Variants in ZBTB20 observed in about 807,000 individuals in gnomAD.
The protein encoded by ZBTB20 is zinc finger and BTB domain containing 20.
In ZBTB20, 9 loss-of-function variants were observed where a neutral mutation model predicts 56.9. The observed-to-expected ratio is 0.16, with a 90% CI of 0.10 to 0.28. The LOEUF (loss-of-function observed/expected upper bound fraction) is 0.28. Ranked by LOEUF, ZBTB20 falls within the 10% of genes least tolerant of loss-of-function variation. The pLI, the probability that ZBTB20 is intolerant of heterozygous loss-of-function variation, is 1.00. For synonymous variants in ZBTB20, 417 were observed against 420.7 expected, an observed-to-expected ratio of 0.99 and a Z score of 0.11; for missense variants, 655 against 1,003.0, an observed-to-expected ratio of 0.65 and a Z score of 4.69.
At chr3:114,988,447 T>C (rs954898081) in intron 2 of ZBTB20, among the ~76,000 whole-genome samples, 6 of 152,236 alleles carry the variant, frequency 3.9e-5, no homozygotes, top group African/African-American at 1.2e-4. Flanking sequence ...TTTTTATGGC[T>C]GCATAGTATT....
intron 3 of ZBTB20, among the ~76,000 whole-genome samples, chr3:114,941,631 T>A (rs2076727089): frequency 6.8e-6 from 1 of 146,286 alleles, no homozygotes; most frequent in Non-Finnish European, 1.5e-5. Context: ...AATAATAAAT[T>A]GGTAGTTTTC....
chr3:114,987,737 T>C (rs2078608125), intron 2 of ZBTB20, among the ~76,000 whole-genome samples: 1 of 152,156 alleles, frequency 6.6e-6, no homozygotes, highest in Non-Finnish European at 1.5e-5. Context: ...TTTCTCCCTG[T>C]AGACATGAAT....
intron 6 of ZBTB20, chr3:114,687,433 C>T (rs1312314703): frequency 1.3e-5 from 2 of 151,654 alleles, no homozygotes; most frequent in Non-Finnish European, 2.9e-5. Flanking sequence ...TGACAGGCGC[C>T]ACAGGCAGAA....
chr3:114,362,737 G>A (rs944834965), intron 10 of ZBTB20, among the ~76,000 whole-genome samples: 2 of 152,116 alleles, frequency 1.3e-5, no homozygotes, highest in Non-Finnish European at 2.9e-5. Flanking sequence ...CCTGTCAACA[G>A]AGGATTCAGT....
At chr3:114,908,923 AT>A in intron 3 of ZBTB20, among the ~76,000 whole-genome samples, 1 of 151,910 alleles carries the variant, frequency 6.6e-6, no homozygotes, top group Non-Finnish European at 1.5e-5. Context: ...TTTTAAAAAG[AT>A]TAGGAGATAT....
At chr3:114,575,390 T>A (rs970742942) in intron 6 of ZBTB20, among the ~76,000 whole-genome samples, 5 of 152,156 alleles carry the variant, frequency 3.3e-5, no homozygotes, top group African/African-American at 1.2e-4. Flanking sequence ...ATTTATACTT[T>A]GCTTTTTCCC....
chr3:115,112,918 A>G (rs190076960), intron 1 of ZBTB20, among the ~76,000 whole-genome samples: 3 of 152,290 alleles, frequency 2.0e-5, no homozygotes, highest in Admixed American at 6.5e-5. Context: ...TCAACAGTGT[A>G]TAAGAGTTCC....
intron 2 of ZBTB20, among the ~76,000 whole-genome samples, chr3:115,050,999 G>C (rs749838655): frequency 9.9e-5 from 15 of 151,924 alleles, no homozygotes; most frequent in Non-Finnish European, 1.9e-4. Flanking sequence ...TCAGGTATAA[G>C]CTTCAATTCC....
chr3:114,616,627 A>G (rs2057965478), intron 6 of ZBTB20, among the ~76,000 whole-genome samples: 1 of 152,038 alleles, frequency 6.6e-6, no homozygotes, highest in Admixed American at 6.6e-5. Flanking sequence ...CTTTCAATAT[A>G]TTTTTCCTGA....
intron 2 of ZBTB20, among the ~76,000 whole-genome samples, chr3:115,041,684 T>C (rs1215797137): frequency 6.6e-6 from 1 of 152,188 alleles, no homozygotes; most frequent in African/African-American, 2.4e-5. Context: ...GTTTGGTTGA[T>C]AATATGTTAA....
At chr3:114,725,150 T>C (rs940848680) in intron 5 of ZBTB20, among the ~76,000 whole-genome samples, 6 of 152,220 alleles carry the variant, frequency 3.9e-5, no homozygotes, top group African/African-American at 1.2e-4. Context: ...GAAGAGACCA[T>C]GCTTTCTATT....
At chr3:115,061,433 A>G (rs1029129745) in intron 2 of ZBTB20, among the ~76,000 whole-genome samples, 12 of 152,322 alleles carry the variant, frequency 7.9e-5, no homozygotes, top group African/African-American at 2.9e-4. Flanking sequence ...TTCTTGAATA[A>G]AAGTTACCAA....
intron 2 of ZBTB20, among the ~76,000 whole-genome samples, chr3:115,003,789 T>G (rs2079354006): frequency 6.6e-6 from 1 of 151,682 alleles, no homozygotes; most frequent in African/African-American, 2.4e-5. Context: ...AAATCAAAGA[T>G]AAATATGTAG....
At chr3:114,707,996 C>G (rs774381447) in intron 5 of ZBTB20, among the ~76,000 whole-genome samples, 2 of 152,168 alleles carry the variant, frequency 1.3e-5, no homozygotes, top group Non-Finnish European at 2.9e-5. Flanking sequence ...ATCTCCTCCA[C>G]GTTCAGTTCA....
chr3:114,676,330 T>C (rs1181529528), intron 6 of ZBTB20, among the ~76,000 whole-genome samples: 1 of 152,192 alleles, frequency 6.6e-6, no homozygotes, highest in African/African-American at 2.4e-5. Flanking sequence ...TGTGCCTCAG[T>C]TTCCTTCTGT....
intron 6 of ZBTB20, among the ~76,000 whole-genome samples, chr3:114,656,592 T>C (rs1290739855): frequency 6.6e-6 from 1 of 152,202 alleles, no homozygotes. Context: ...TCAAGTTTAC[T>C]GACACTTTCT....
intron 1 of ZBTB20, among the ~76,000 whole-genome samples, chr3:115,128,298 TATA>T (rs1332405782): frequency 1.3e-5 from 2 of 152,162 alleles, no homozygotes; most frequent in Non-Finnish European, 2.9e-5. Flanking sequence ...ACGTGAAAGA[TATA>T]ATATCAAAGA....
chr3:114,753,391 G>A (rs369306455), intron 5 of ZBTB20, among the ~76,000 whole-genome samples: 2,841 of 16,080 alleles, frequency 0.18, 692 homozygotes, highest in East Asian at 0.35. Context: ...ACACATACAT[G>A]TATGTATATA....
chr3:115,051,345 T>A (rs2081540310), intron 2 of ZBTB20, among the ~76,000 whole-genome samples: 1 of 152,020 alleles, frequency 6.6e-6, no homozygotes, highest in Admixed American at 6.6e-5. Context: ...AAAAATGAGA[T>A]TCCATGATAG....
Sources: allele counts gnomAD v4.1 joint callset (sites outside exome capture counted in the v4.1 genomes callset), GRCh38; gene constraint gnomAD v4.1.1; transcripts MANE v1.5; gene names NCBI Gene and HGNC (gene_info 2026-07-23, HGNC 2026-07-21).